Variants in KIF26B observed in about 807,000 individuals in gnomAD.
KIF26B encodes kinesin-like protein KIF26B.
KIF26B carries 63 observed loss-of-function variants against 151.2 expected under a neutral mutation model. The ratio of observed to expected loss-of-function variants is 0.42; its 90% confidence interval spans 0.34 to 0.51. KIF26B has a LOEUF of 0.51. KIF26B is among the 20% of genes least tolerant of loss of function. The probability of loss-of-function intolerance (pLI) is 0.07; values close to 1 mark genes in which losing one functional copy is unlikely to be tolerated. For missense variants in KIF26B, 2,813 were observed against 2,913.6 expected (o/e 0.97, Z 0.79); for synonymous variants, 1,357 against 1,262.1 (o/e 1.08, Z -1.59).
At chr1:245,590,685 A>C (rs1055854997) in intron 5 of KIF26B, among the ~76,000 whole-genome samples, 3 of 152,190 alleles carry the variant, frequency 2.0e-5, no homozygotes, top group African/African-American at 4.8e-5. Flanking sequence ...AGGCAGGAGG[A>C]TCACTTGAGT....
Position 245,540,127 on chromosome 1 carries a change from T to C in KIF26B, c.1167-640T>C, listed in dbSNP as rs986660015. Among the ~76,000 whole-genome samples the C allele has an allele frequency of 1.3e-5, 2 of 152,154 alleles. No individual in the cohort carries two copies. Among genetic ancestry groups the C allele is most frequent in the East Asian group, 1.9e-4 (1 of 5,192 alleles). ...TCCTCGCACTTGACCATGAATTGCA[T>C]TTTGTATTTAAAGACCTCCCTGCAC... On this transcript the variant is annotated intron_variant, in intron 4 of 14. Transcript: ENST00000407071. This position sits in a 1 kb window ranked among gnomAD's most constrained non-coding sequence, Gnocchi z 4.6.
intron 10 of KIF26B, among the ~76,000 whole-genome samples, chr1:245,656,292 G>T (rs899496416): frequency 6.6e-6 from 1 of 152,082 alleles, no homozygotes; most frequent in Non-Finnish European, 1.5e-5. Context: ...TCTCCTCCTC[G>T]AGTCCCACTC....
At chr1:245,614,381 G>C (rs941828452) in intron 9 of KIF26B, among the ~76,000 whole-genome samples, 8 of 152,118 alleles carry the variant, frequency 5.3e-5, no homozygotes, top group Admixed American at 4.6e-4. Flanking sequence ...CACCATATTG[G>C]CCAGGATGGT....
At chr1:245,541,057 A>T in intron 5 of KIF26B, 107 bp downstream of exon 5, 1 of 898,494 alleles carries the variant, frequency 1.1e-6, no homozygotes, top group Non-Finnish European at 1.7e-6. Context: ...AGACGTTGCC[A>T]GGGAGAAAAG....
chr1:245,518,763 G>C lies in KIF26B; in HGVS notation c.1167-22004G>C, dbSNP rs144404616. Among the ~76,000 whole-genome samples the C allele has an allele frequency of 3.9e-3, 597 of 152,300 alleles. 8 individuals carry two copies. The highest frequency in any genetic ancestry group is 0.014 in the African/African-American group (579 of 41,566). ...AGTCACGAGTCAGAACGCCGCGGTG[G>C]TTACAGAGCAATAGCATTTCAGAGC... On this transcript the variant is annotated intron_variant, in intron 4 of 14. Transcript: ENST00000407071.
intron 4 of KIF26B, among the ~76,000 whole-genome samples, chr1:245,424,025 GA>G (rs1397857189): frequency 2.0e-5 from 3 of 151,944 alleles, no homozygotes; most frequent in African/African-American, 7.3e-5. Flanking sequence ...ATTTTTTGAA[GA>G]GATGAGTCTC....
At chr1:245,678,468 G>A (rs57057250) in intron 10 of KIF26B, among the ~76,000 whole-genome samples, 5,279 of 152,150 alleles carry the variant, frequency 0.035, 306 homozygotes, top group African/African-American at 0.12. Context: ...AGTGTTCTCG[G>A]CATTTAAATA....
At chr1:245,262,516 C>T (rs956950898) in intron 2 of KIF26B, among the ~76,000 whole-genome samples, 3 of 151,914 alleles carry the variant, frequency 2.0e-5, no homozygotes, top group African/African-American at 7.3e-5. Flanking sequence ...TGCAATGGCG[C>T]GATCTTGGCT....
chr1:245,523,773 A>G (rs1040288220), intron 4 of KIF26B, among the ~76,000 whole-genome samples: 11 of 152,226 alleles, frequency 7.2e-5, no homozygotes, highest in Admixed American at 2.0e-4. Context: ...TTATGAATTT[A>G]AAGAGGGACA....
At chr1:245,696,919 G>C (rs538788282) in intron 12 of KIF26B, among the ~76,000 whole-genome samples, 1 of 152,190 alleles carries the variant, frequency 6.6e-6, no homozygotes, top group Non-Finnish European at 1.5e-5. Context: ...AGACCAGTCT[G>C]GCCAACATCG....
intron 2 of KIF26B, among the ~76,000 whole-genome samples, chr1:245,323,201 TAG>T (rs1558388662): frequency 6.6e-6 from 1 of 152,232 alleles, no homozygotes; most frequent in Non-Finnish European, 1.5e-5. Context: ...TGGATTTGTG[TAG>T]ATATGTGTGG....
At position 245,277,756 on chromosome 1, in the gene KIF26B, G is replaced by A. The variant is rs150088103; in HGVS notation, c.466-89078G>A. On this transcript the variant is annotated intron_variant, in intron 2 of 14. Coordinates refer to ENST00000407071, the MANE Select transcript of KIF26B (RefSeq NM_018012.4). ...TCTGCCAATGCTCTTCTTGGGTGCA[G>A]CAGTGTCTGCAGTCATGGTGACTGG... 2.0e-5 allele frequency among the ~76,000 whole-genome samples: 3 copies of A among 152,286 alleles called. No homozygotes were observed. The East Asian group carries it at 5.8e-4, about 30-fold the overall frequency.
At chr1:245,173,264 A>G (rs1407709580) in intron 2 of KIF26B, among the ~76,000 whole-genome samples, 2 of 152,218 alleles carry the variant, frequency 1.3e-5, no homozygotes, top group East Asian at 1.9e-4. Context: ...AGAATTCTGC[A>G]TATGGAAGGT....
chr1:245,389,518 C>A (rs1380634318), intron 3 of KIF26B, among the ~76,000 whole-genome samples: 1 of 152,074 alleles, frequency 6.6e-6, no homozygotes, highest in Non-Finnish European at 1.5e-5. Flanking sequence ...ATTTTTATTA[C>A]TAGAATTGGC....
intron 2 of KIF26B, among the ~76,000 whole-genome samples, chr1:245,169,332 T>TGTGG (rs780111536): frequency 0.014 from 2,042 of 148,068 alleles, 23 homozygotes; most frequent in African/African-American, 0.028. Context: ...GGCCATGGTG[T>TGTGG]GTGTGTGTGT....
chr1:245,676,500 A>G (rs998656333), intron 10 of KIF26B: 2 of 152,250 alleles, frequency 1.3e-5, no homozygotes, highest in African/African-American at 4.8e-5. Flanking sequence ...TTGGAGTTAC[A>G]TCATATATTT....
intron 3 of KIF26B, among the ~76,000 whole-genome samples, chr1:245,416,609 G>T (rs191733639): frequency 6.6e-6 from 1 of 152,238 alleles, no homozygotes; most frequent in East Asian, 1.9e-4. Context: ...CTCTGTAAAA[G>T]CATCCAGCAG....
chr1:245,529,366 C>A (rs1048438618), intron 4 of KIF26B, among the ~76,000 whole-genome samples: 1 of 152,168 alleles, frequency 6.6e-6, no homozygotes, highest in African/African-American at 2.4e-5. Flanking sequence ...CAGATGGTTT[C>A]TTAGTAAATA....
rs1450632695 is a variant in KIF26B at position 245,687,465 on chromosome 1, C to T, written c.4482C>T (p.Ser1494=). 2 of 1,587,026 alleles carry T rather than the reference C, an allele frequency of 1.3e-6. No individual in the cohort carries two copies. Among genetic ancestry groups the T allele is most frequent in the East Asian group, 2.3e-5 (1 of 43,398 alleles). ...CGGGAGACAGGCTCAGCAGCAGCAG[C>T]GGAGAGGTGTCGGCCTCCCCGGTCA... The part of the protein sequence containing the change: ...PSPGDRLSSS[S]GEVSASPVTD... The change falls in exon 12 of 15, where the codon AGC becomes AGT. Residue 1494 remains serine (S), a synonymous_variant. Coordinates refer to ENST00000407071, the MANE Select transcript of KIF26B (RefSeq NM_018012.4). The surrounding 1 kb of genome is among the most constrained non-coding windows in gnomAD (Gnocchi z 4.9).
Sources: gnomAD v4.1 joint callset for allele counts (sites outside exome capture counted in the v4.1 genomes callset) on GRCh38, gnomAD v4.1.1 for gene constraint, Gnocchi (gnomAD v3.1) non-coding constraint, MANE v1.5 for transcripts, NCBI Gene and HGNC (gene_info 2026-07-23, HGNC 2026-07-21) for gene names.